Variants in NDUFA10 observed in about 807,000 individuals in gnomAD.
NDUFA10 encodes NADH:ubiquinone oxidoreductase subunit A10.
NDUFA10 carries 40 observed loss-of-function variants against 47.8 expected under a neutral mutation model. That is an observed-to-expected ratio of 0.84 (90% confidence interval 0.65 to 1.09). The LOEUF (loss-of-function observed/expected upper bound fraction) is 1.09. Among genes scored for constraint, NDUFA10 ranks in the 50% least tolerant of loss-of-function variants. The pLI, the probability that NDUFA10 is intolerant of heterozygous loss-of-function variation, is 0.00. For synonymous variants in NDUFA10, 183 were observed against 172.2 expected (o/e 1.06, Z -0.49); for missense variants, 413 against 451.1 (o/e 0.92, Z 0.76).
intron 5 of NDUFA10, among the ~76,000 whole-genome samples, chr2:239,893,492 G>A (rs1352304105): frequency 1.3e-5 from 2 of 152,204 alleles, no homozygotes; most frequent in Non-Finnish European, 2.9e-5. Flanking sequence ...CAAAGCTCTG[G>A]AGGTAGGAAG....
intron 9 of NDUFA10, among the ~76,000 whole-genome samples, chr2:239,974,088 G>A (rs1559339326): frequency 6.6e-6 from 1 of 152,030 alleles, no homozygotes; most frequent in African/African-American, 2.4e-5. Flanking sequence ...CACCACGCCT[G>A]GCTAATTCTT....
intron 4 of NDUFA10, among the ~76,000 whole-genome samples, chr2:239,942,248 G>A (rs990966785): frequency 2.0e-5 from 3 of 152,326 alleles, no homozygotes; most frequent in Middle Eastern, 3.4e-3. Context: ...GTGTTCACGC[G>A]GTAGTGTGCG....
intron 4 of NDUFA10, among the ~76,000 whole-genome samples, chr2:239,910,098 T>G (rs1693723149): frequency 6.6e-6 from 1 of 152,174 alleles, no homozygotes; most frequent in Non-Finnish European, 1.5e-5. Context: ...GTAAAAGGAA[T>G]GCTTTGACAC....
At chr2:239,956,463 A>G (rs769978252), downstream of NDUFA10, among the ~76,000 whole-genome samples, 41 of 152,114 alleles carry the variant, frequency 2.7e-4, no homozygotes, top group Non-Finnish European at 5.4e-4. Context: ...CAAGATTCCG[A>G]AGGTCTTTCA....
In NDUFA10 at chr2:239,989,925, G is replaced by A. The variant is rs1037063779; in HGVS notation, c.999+149C>T. On this transcript the variant is annotated intron_variant, in intron 9 of 9. Coordinates refer to ENST00000252711, the MANE Select transcript of NDUFA10 (RefSeq NM_004544.4). ...TCCACACAGAAATACGGGGAAAAGG[G>A]AGAATTATTTCAATGAAAAAGAGGC... The A allele has an allele frequency of 7.9e-5, 54 of 687,586 alleles. No homozygotes were observed. The Admixed American group carries it at 1.0e-3, about 13-fold the overall frequency. 42.6% of individuals were successfully genotyped at this position (687,586 alleles called of 1,614,324 possible).
At position 239,959,665 on chromosome 2, in the gene NDUFA10, C is replaced by G; in HGVS notation, c.*1453G>C. The G allele has an allele frequency of 4.3e-6, 4 of 937,656 alleles. No individual in the cohort carries two copies. The highest frequency in any genetic ancestry group is 5.0e-6 in the Non-Finnish European group (4 of 794,612). The allele number at this position is 937,656 out of a possible 1,614,324, so 58.1% of individuals were successfully genotyped here. ...GGGAAGGGAGGAAAACAAGGACAGA[C>G]GGAAGGAAGGAAGGAAGAGAAGGAG... On this transcript the variant is annotated 3_prime_UTR_variant, in exon 10 of 10. Coordinates refer to ENST00000252711, the MANE Select transcript of NDUFA10 (RefSeq NM_004544.4).
chr2:239,910,193 G>C (rs528531324), intron 4 of NDUFA10, among the ~76,000 whole-genome samples: 6 of 152,296 alleles, frequency 3.9e-5, no homozygotes, highest in Non-Finnish European at 2.9e-5. Context: ...AATACCATTT[G>C]ACCCAGCAAT....
chr2:240,000,627 T>A (rs113377847), intron 8 of NDUFA10, among the ~76,000 whole-genome samples: 1,797 of 152,322 alleles, frequency 0.012, 31 homozygotes, highest in African/African-American at 0.041. Context: ...GACCTTCACA[T>A]TCACCCACCA....
At chr2:239,899,466 CGGAGGGGTGTGAT>C (rs1246182503) in intron 4 of NDUFA10, among the ~76,000 whole-genome samples, 5 of 75,670 alleles carry the variant, frequency 6.6e-5, no homozygotes, top group Admixed American at 2.5e-4. Context: ...AGGGGTGTGA[CGGAGGGGTGTGAT>C]GGAGAGGTGT....
intron 4 of NDUFA10, among the ~76,000 whole-genome samples, chr2:239,927,730 C>T (rs958817008): frequency 3.3e-5 from 5 of 151,886 alleles, no homozygotes; most frequent in African/African-American, 1.2e-4. Flanking sequence ...AGGGGTGGGG[C>T]AAGGGGAGGA....
At chr2:240,020,165 C>T (rs1253248666) in intron 3 of NDUFA10, among the ~76,000 whole-genome samples, 1 of 152,214 alleles carries the variant, frequency 6.6e-6, no homozygotes, top group Non-Finnish European at 1.5e-5. Flanking sequence ...GAGAAGAAGC[C>T]TGTGAGCCGG....
Position 240,021,253 on chromosome 2 carries a change from A to G in NDUFA10, c.404T>C (p.Leu135Ser), listed in dbSNP as rs140776586. ...GTACTGCAGCAGGCGACTGCTGTACAACCAGGACTGCAGGCGGTAACTGTT... is the reference window on the plus strand; with the variant it reads ...GTACTGCAGCAGGCGACTGCTGTACGACCAGGACTGCAGGCGGTAACTGTT... ...DGNSYRLQSW[L>S]YSSRLLQYSD... The change falls in exon 3 of 10, where the codon TTG becomes TCG. Residue 135 changes from leucine (L) to serine (S), a missense_variant. Physicochemically the swap from Leu to Ser is moderately radical, Grantham distance 145 (BLOSUM62 -2). Transcript: ENST00000252711. 4.5e-4 allele frequency: 730 copies of G among 1,614,220 alleles called. 3 individuals are homozygous for G. In the East Asian group the frequency reaches 0.013, roughly 29 times the overall value.
At chr2:239,940,678 A>G (rs2106378422) in intron 4 of NDUFA10, among the ~76,000 whole-genome samples, 1 of 152,370 alleles carries the variant, frequency 6.6e-6, no homozygotes, top group South Asian at 2.1e-4. Flanking sequence ...AAGGTATCAG[A>G]CAGATGTTAT....
downstream of NDUFA10, chr2:239,957,303 T>A (rs1694680617): frequency 6.6e-6 from 1 of 152,208 alleles, no homozygotes. Context: ...TGACCACGCG[T>A]AACATGCCAG....
At position 239,937,944 on chromosome 2, in the gene NDUFA10, A is replaced by G. The variant is rs112277095; in HGVS notation, c.295-42630T>C. On this transcript the variant is annotated intron_variant, in intron 4 of 5. Transcript: ENST00000419408. ...TGCTCACAGCACCCCAATGTGCCACACTGTCACTGGCTGGGGCCACCGAGC... is the reference window on the plus strand; with the variant it reads ...TGCTCACAGCACCCCAATGTGCCACGCTGTCACTGGCTGGGGCCACCGAGC... 3.6e-3 allele frequency among the ~76,000 whole-genome samples: 546 copies of G among 152,248 alleles called. 7 individuals carry two copies. Among genetic ancestry groups the G allele is most frequent in the African/African-American group, 0.012 (514 of 41,538 alleles).
chr2:239,922,901 G>T (rs553305316), intron 4 of NDUFA10, among the ~76,000 whole-genome samples: 1 of 152,360 alleles, frequency 6.6e-6, no homozygotes, highest in South Asian at 2.1e-4. Flanking sequence ...ATTACCATGA[G>T]GCTGCAAACC....
intron 9 of NDUFA10, chr2:239,983,496 A>G (rs369854620): frequency 5.4e-5 from 86 of 1,583,550 alleles, no homozygotes; most frequent in Admixed American, 3.7e-4. Flanking sequence ...AAAATCCTCT[A>G]AACAGTCAGA....
chr2:239,988,121 T>A (rs1277228818), intron 9 of NDUFA10, among the ~76,000 whole-genome samples: 1 of 151,910 alleles, frequency 6.6e-6, no homozygotes, highest in Non-Finnish European at 1.5e-5. Context: ...GAATAAAAAA[T>A]TTAAAAATAA....
At position 239,903,449 on chromosome 2, in the gene NDUFA10, G is replaced by C. The variant is rs866089267; in HGVS notation, c.295-8135C>G. 9.2e-5 allele frequency among the ~76,000 whole-genome samples: 14 copies of C among 152,174 alleles called. 1 individual carries two copies. The highest frequency in any genetic ancestry group is 3.3e-4 in the Admixed American group (5 of 15,284). ...ATCCCACAGTCCCTGCCCTCCCTGGGCTGCTCTGCATGTCCCAGGACAGGG... is the reference window on the plus strand; with the variant it reads ...ATCCCACAGTCCCTGCCCTCCCTGGCCTGCTCTGCATGTCCCAGGACAGGG... On this transcript the variant is annotated intron_variant, in intron 4 of 5. Transcript: ENST00000419408.
Sources: allele counts gnomAD v4.1 joint callset (sites outside exome capture counted in the v4.1 genomes callset), GRCh38; gene constraint gnomAD v4.1.1; transcripts MANE v1.5; gene names NCBI Gene and HGNC (gene_info 2026-07-23, HGNC 2026-07-21).